HAPLN1: variants seen among roughly 807,000 people sequenced by gnomAD.
HAPLN1 encodes Cartilage link protein.
In HAPLN1, 13 loss-of-function variants were observed where a neutral mutation model predicts 36.5. The ratio of observed to expected loss-of-function variants is 0.36; its 90% CI spans 0.23 to 0.57. HAPLN1 has a LOEUF of 0.57. HAPLN1 is among the 20% of genes least tolerant of loss of function. The pLI is 0.83. For synonymous variants in HAPLN1, 202 were observed against 169.8 expected (o/e 1.19, Z -1.48); for missense variants, 407 against 439.7 (o/e 0.93, Z 0.66).
chr5:83,643,062 G>A (rs764389335), intron 4 of HAPLN1, among the ~76,000 whole-genome samples: 6 of 152,080 alleles, frequency 3.9e-5, no homozygotes, highest in Non-Finnish European at 8.8e-5. Flanking sequence ...AGCGGCTCAC[G>A]TCTGTAATCC....
In HAPLN1 at chr5:83,644,413, T is replaced by C. The variant is rs1162511410; in HGVS notation, c.725A>G (p.Asp242Gly). Reference protein sequence around the residue: ...VPGVRNYGFWDKDKSRYDVFC... With the variant: ...VPGVRNYGFWGKDKSRYDVFC... Reference sequence around the variant, plus strand: ...AACATCATATCTGCTTTTATCTTTATCCCAAAATCCGTAGTTCCTGACTCC... The same window carrying C: ...AACATCATATCTGCTTTTATCTTTACCCCAAAATCCGTAGTTCCTGACTCC... Residue 242 changes from aspartate to glycine, a missense_variant, in exon 4 of 5, where the codon GAT becomes GGT. Asp to Gly is a moderately conservative substitution (Grantham distance 94, BLOSUM62 -1). Coordinates refer to ENST00000274341, the MANE Select transcript of HAPLN1 (RefSeq NM_001884.4). 2 of 1,601,206 alleles carry C rather than the reference T, an allele frequency of 1.2e-6. No homozygotes were observed. The highest frequency in any genetic ancestry group is 1.7e-6 in the Non-Finnish European group (2 of 1,176,100).
At chr5:83,648,871 T>A (rs541740259) in intron 3 of HAPLN1, among the ~76,000 whole-genome samples, 48 of 152,340 alleles carry the variant, frequency 3.2e-4, no homozygotes, top group Non-Finnish European at 6.2e-4. Context: ...AGCACAGATT[T>A]CAAACTCTTA....
At chr5:83,712,474 A>G (rs140941026) in intron 1 of HAPLN1, among the ~76,000 whole-genome samples, 32 of 152,286 alleles carry the variant, frequency 2.1e-4, no homozygotes, top group African/African-American at 7.2e-4. Context: ...AATTATTAGC[A>G]CATAGTGTAT....
At chr5:83,668,980 T>C (rs1750629494) in intron 2 of HAPLN1, among the ~76,000 whole-genome samples, 1 of 152,242 alleles carries the variant, frequency 6.6e-6, no homozygotes, top group African/African-American at 2.4e-5. Flanking sequence ...GGCAATTCCT[T>C]ATTAAGTAAA....
intron 3 of HAPLN1, among the ~76,000 whole-genome samples, chr5:83,647,109 C>T (rs958563717): frequency 1.4e-4 from 22 of 152,162 alleles, no homozygotes; most frequent in African/African-American, 5.1e-4. Flanking sequence ...AACATCGGGA[C>T]AAGTTTTTCT....
chr5:83,713,698 T>C (rs982783673), intron 1 of HAPLN1, among the ~76,000 whole-genome samples: 29 of 152,152 alleles, frequency 1.9e-4, no homozygotes, highest in Non-Finnish European at 3.2e-4. Flanking sequence ...CCCAGAAACT[T>C]CTATTCTTCC....
intron 3 of HAPLN1, among the ~76,000 whole-genome samples, chr5:83,650,294 A>T (rs948281961): frequency 6.6e-6 from 1 of 152,212 alleles, no homozygotes; most frequent in African/African-American, 2.4e-5. Context: ...TTCATCTATA[A>T]AGAAGATTGA....
At chr5:83,686,811 A>G (rs953766262) in intron 1 of HAPLN1, among the ~76,000 whole-genome samples, 3 of 152,140 alleles carry the variant, frequency 2.0e-5, no homozygotes, top group African/African-American at 7.2e-5. Context: ...GTGCAAAGTG[A>G]CAGAAAACAA....
At chr5:83,670,787 C>T (rs180964853) in intron 2 of HAPLN1, among the ~76,000 whole-genome samples, 102 of 152,014 alleles carry the variant, frequency 6.7e-4, no homozygotes, top group Middle Eastern at 6.9e-3. Context: ...CTCTGCTTCC[C>T]GGGTTCAGGC....
chr5:83,685,265 TATGTCCTCTGACA>T (rs1751092649), intron 1 of HAPLN1, among the ~76,000 whole-genome samples: 1 of 152,238 alleles, frequency 6.6e-6, no homozygotes, highest in African/African-American at 2.4e-5. Context: ...TGTTTACTAC[TATGTCCTCTGACA>T]CACTGTAGAA....
chr5:83,650,948 A>C (rs1474114991), intron 3 of HAPLN1, among the ~76,000 whole-genome samples: 1 of 152,028 alleles, frequency 6.6e-6, no homozygotes, highest in Admixed American at 6.6e-5. Context: ...ATTTGACCCT[A>C]TAATGCGTTA....
chr5:83,684,428 G>A (rs1053608473), intron 1 of HAPLN1, among the ~76,000 whole-genome samples: 40 of 152,226 alleles, frequency 2.6e-4, no homozygotes, highest in Non-Finnish European at 4.6e-4. Context: ...AAGAAGAGGG[G>A]CACTCCAGCA....
chr5:83,718,975 A>T (rs1751969577), intron 1 of HAPLN1, among the ~76,000 whole-genome samples: 1 of 152,204 alleles, frequency 6.6e-6, no homozygotes. Flanking sequence ...CACACCTAAG[A>T]TGCTAAAAGG....
rs754809583 is a variant in HAPLN1, at chr5:83,638,258, A to C, written c.*3238T>G. On this transcript the variant is annotated 3_prime_UTR_variant, in exon 5 of 5. Coordinates refer to ENST00000274341, the MANE Select transcript of HAPLN1 (RefSeq NM_001884.4). ...TCATTGTATCTTACAGAAAATCAAA[A>C]CATTTTTTTTTTGGTAATACAGATT... 11 of 150,026 alleles carry C rather than the reference A, an allele frequency of 7.3e-5. No homozygotes were observed. Among genetic ancestry groups the C allele is most frequent in the Non-Finnish European group, 1.6e-4 (11 of 67,844 alleles). 9.3% of individuals were successfully genotyped at this position (150,026 alleles called of 1,614,324 possible). A position where few individuals can be genotyped will look rare whatever the true frequency, so the allele number is the denominator to read the frequency against.
intron 1 of HAPLN1, among the ~76,000 whole-genome samples, chr5:83,679,458 C>A (rs183516337): frequency 6.6e-5 from 10 of 152,232 alleles, no homozygotes; most frequent in East Asian, 1.9e-4. Flanking sequence ...CTTTTCTATT[C>A]TCTTTCTAAC....
intron 1 of HAPLN1, among the ~76,000 whole-genome samples, chr5:83,716,057 AAATG>A (rs1176556555): frequency 6.6e-6 from 1 of 152,222 alleles, no homozygotes; most frequent in African/African-American, 2.4e-5. Context: ...ACAAATGAAT[AAATG>A]AATGATCAAA....
chr5:83,713,773 A>G (rs1456632050), intron 1 of HAPLN1, among the ~76,000 whole-genome samples: 1 of 152,178 alleles, frequency 6.6e-6, no homozygotes, highest in Admixed American at 6.5e-5. Flanking sequence ...AAACAGTCAC[A>G]CTATCTCAGA....
intron 2 of HAPLN1, among the ~76,000 whole-genome samples, chr5:83,654,939 G>A (rs931230251): frequency 1.3e-5 from 2 of 152,130 alleles, no homozygotes; most frequent in Non-Finnish European, 2.9e-5. Context: ...TACACATAAA[G>A]CACTTAGGAC....
chr5:83,715,477 A>G (rs1045849153), intron 1 of HAPLN1, among the ~76,000 whole-genome samples: 1 of 152,208 alleles, frequency 6.6e-6, no homozygotes, highest in Non-Finnish European at 1.5e-5. Flanking sequence ...CTAGTGATTC[A>G]TGATGCGTAT....
Sources: allele counts gnomAD v4.1 joint callset (sites outside exome capture counted in the v4.1 genomes callset), GRCh38; gene constraint gnomAD v4.1.1; transcripts MANE v1.5; gene names NCBI Gene and HGNC (gene_info 2026-07-23, HGNC 2026-07-21).